ARHGAP10: variants seen among roughly 807,000 people sequenced by gnomAD.
The protein encoded by ARHGAP10 is rho GTPase-activating protein 10.
ARHGAP10 carries 87 observed loss-of-function variants against 108.6 expected under a neutral mutation model. The observed-to-expected ratio is 0.80, with a 90% CI of 0.67 to 0.96. The LOEUF (loss-of-function observed/expected upper bound fraction) is 0.96. Ranked by LOEUF, ARHGAP10 falls within the 40% of genes least tolerant of loss-of-function variation. The pLI, the probability that ARHGAP10 is intolerant of heterozygous loss-of-function variation, is 0.00. For synonymous variants in ARHGAP10, 347 were observed against 341.1 expected (o/e 1.02, Z -0.19); for missense variants, 939 against 954.5 (o/e 0.98, Z 0.21).
At chr4:147,860,000 G>C (rs1039197848) in intron 5 of ARHGAP10, among the ~76,000 whole-genome samples, 1 of 152,162 alleles carries the variant, frequency 6.6e-6, no homozygotes, top group South Asian at 2.1e-4. Flanking sequence ...GTTAGGTTTG[G>C]ATATTCATTA....
chr4:148,024,243 T>C (rs527346567), intron 19 of ARHGAP10, among the ~76,000 whole-genome samples: 124 of 152,394 alleles, frequency 8.1e-4, no homozygotes, highest in African/African-American at 2.9e-3. Flanking sequence ...CTTCCTCTTA[T>C]TGAGAACATT....
At chr4:148,058,316 G>A (rs953902329) in intron 20 of ARHGAP10, among the ~76,000 whole-genome samples, 3 of 152,094 alleles carry the variant, frequency 2.0e-5, no homozygotes, top group African/African-American at 7.2e-5. Context: ...ATTTGATCTC[G>A]TATTGTATAA....
intron 4 of ARHGAP10, chr4:147,854,906 T>G: frequency 1.0e-6 from 1 of 976,032 alleles, no homozygotes; most frequent in Non-Finnish European, 1.2e-6. Flanking sequence ...GCTTGATGTC[T>G]CCTTTTTCTT....
At chr4:147,962,535 C>T (rs1218977942) in intron 16 of ARHGAP10, among the ~76,000 whole-genome samples, 1 of 152,128 alleles carries the variant, frequency 6.6e-6, no homozygotes, top group African/African-American at 2.4e-5. Context: ...AGCAACGACT[C>T]CCAGGTGTAG....
chr4:147,934,323 GACCCTCC>G (rs1298397782), intron 13 of ARHGAP10, among the ~76,000 whole-genome samples: 1 of 152,170 alleles, frequency 6.6e-6, no homozygotes, highest in Non-Finnish European at 1.5e-5. Flanking sequence ...CTCTCAAAGT[GACCCTCC>G]CAGGTCTTGG....
intron 18 of ARHGAP10, among the ~76,000 whole-genome samples, chr4:147,969,773 G>A (rs1300596312): frequency 2.0e-5 from 3 of 152,208 alleles, no homozygotes; most frequent in African/African-American, 7.2e-5. Context: ...TACAGCAGAC[G>A]AAAGTGGCCT....
At chr4:147,927,144 G>A (rs2126943119) in intron 13 of ARHGAP10, among the ~76,000 whole-genome samples, 1 of 152,248 alleles carries the variant, frequency 6.6e-6, no homozygotes, top group South Asian at 2.1e-4. Context: ...TTTTGAGGAT[G>A]TTGGAGAGAT....
At chr4:147,795,318 CTT>C (rs1280781330) in intron 1 of ARHGAP10, among the ~76,000 whole-genome samples, 2 of 152,174 alleles carry the variant, frequency 1.3e-5, no homozygotes, top group African/African-American at 2.4e-5. Flanking sequence ...AGTGTGTTTA[CTT>C]TTTTACCTTT....
At chr4:148,046,109 C>T (rs1386995632) in intron 19 of ARHGAP10, among the ~76,000 whole-genome samples, 5 of 152,224 alleles carry the variant, frequency 3.3e-5, no homozygotes, top group Admixed American at 3.3e-4. Context: ...GCTGGGAGGA[C>T]TGTGAAAGCA....
intron 1 of ARHGAP10, among the ~76,000 whole-genome samples, chr4:147,796,628 C>T (rs1465834142): frequency 1.3e-5 from 2 of 152,070 alleles, no homozygotes; most frequent in African/African-American, 2.4e-5. Flanking sequence ...CAGGTTCAAG[C>T]GATTCTCCTG....
chr4:147,864,861 G>T lies in ARHGAP10; in HGVS notation c.502G>T (p.Glu168Ter). 6.2e-7 allele frequency: 1 copy of T among 1,613,826 alleles called. No homozygotes were observed. The highest frequency in any genetic ancestry group is 1.1e-5 in the South Asian group (1 of 90,964). The change falls in exon 6 of 23, where the codon GAG becomes TAG. Residue 168 changes from glutamate to a stop codon, truncating the protein, a stop_gained. Coordinates refer to ENST00000336498, the MANE Select transcript of ARHGAP10 (RefSeq NM_024605.4). LOFTEE classifies it high-confidence loss of function. ...SHLQEADIQV[E>*]QNRQHFYELS... ...TTTAACATAGGCAGATATCCAAGTA[G>T]AGCAGAACCGGCAACACTTCTATGA...
At chr4:147,841,115 C>T (rs995167189) in intron 3 of ARHGAP10, among the ~76,000 whole-genome samples, 3 of 152,264 alleles carry the variant, frequency 2.0e-5, no homozygotes, top group Non-Finnish European at 4.4e-5. Flanking sequence ...AGCTGCATGG[C>T]TGCAAAGCCT....
intron 22 of ARHGAP10, among the ~76,000 whole-genome samples, chr4:148,070,485 A>G (rs561993423): frequency 1.3e-5 from 2 of 152,324 alleles, no homozygotes; most frequent in South Asian, 2.1e-4. Context: ...GCAAAGGACA[A>G]TTAGAATTGG....
chr4:147,969,949 T>C (rs1347898990), intron 18 of ARHGAP10, among the ~76,000 whole-genome samples: 3 of 152,060 alleles, frequency 2.0e-5, no homozygotes, highest in African/African-American at 7.3e-5. Flanking sequence ...CTTCACTGTG[T>C]GCTTGGGTTT....
intron 13 of ARHGAP10, among the ~76,000 whole-genome samples, chr4:147,913,592 C>A (rs1398110922): frequency 6.6e-6 from 1 of 152,102 alleles, no homozygotes. Flanking sequence ...CCTGGTGTCT[C>A]TTTTACATGT....
At chr4:147,919,187 A>G (rs1737121790) in intron 13 of ARHGAP10, among the ~76,000 whole-genome samples, 1 of 152,234 alleles carries the variant, frequency 6.6e-6, no homozygotes, top group Non-Finnish European at 1.5e-5. Flanking sequence ...TACTCTTAAG[A>G]TGACATTTTT....
At chr4:147,740,628 G>A (rs1728618545) in intron 1 of ARHGAP10, among the ~76,000 whole-genome samples, 1 of 152,036 alleles carries the variant, frequency 6.6e-6, no homozygotes, top group Non-Finnish European at 1.5e-5. Context: ...TTCCAAGGTC[G>A]GGTTGATTTA....
chr4:148,021,562 A>G (rs1002684300), intron 18 of ARHGAP10, among the ~76,000 whole-genome samples: 1 of 152,162 alleles, frequency 6.6e-6, no homozygotes, highest in African/African-American at 2.4e-5. Flanking sequence ...TAAATGTCAC[A>G]GGTGCCATTT....
chr4:147,803,796 A>T lies in ARHGAP10; in HGVS notation c.155-18931A>T, dbSNP rs113312527. ...TTCTGTGGCTGAATAGTATTCCATT[A>T]TATCTATCTATAGACCATGTTTTCT... On this transcript the variant is annotated intron_variant, in intron 1 of 22. Transcript: ENST00000336498. 5.1e-3 allele frequency among the ~76,000 whole-genome samples: 778 copies of T among 152,274 alleles called. 11 individuals are homozygous for T. The highest frequency in any genetic ancestry group is 0.034 in the East Asian group (178 of 5,174).
Sources: gnomAD v4.1 joint callset for allele counts (sites outside exome capture counted in the v4.1 genomes callset) on GRCh38, gnomAD v4.1.1 for gene constraint, MANE v1.5 for transcripts, NCBI Gene and HGNC (gene_info 2026-07-23, HGNC 2026-07-21) for gene names.